The following SORCS1 variants were observed in gnomAD, a reference collection of about 807,000 sequenced individuals.
SORCS1 encodes the protein sortilin related VPS10 domain containing receptor 1.
Under a neutral mutation model 146.1 loss-of-function variants are expected in SORCS1, and 60 were observed. The ratio of observed to expected loss-of-function variants is 0.41; its 90% CI spans 0.33 to 0.51. SORCS1 has a LOEUF of 0.51. Ranked by LOEUF, SORCS1 falls within the 20% of genes least tolerant of loss-of-function variation. SORCS1 has a pLI of 0.21. For synonymous variants in SORCS1, 637 were observed against 584.0 expected, an observed-to-expected ratio of 1.09 and a Z score of -1.31; for missense variants, 1,352 against 1,487.6, an observed-to-expected ratio of 0.91 and a Z score of 1.50.
intron 1 of SORCS1, among the ~76,000 whole-genome samples, chr10:106,999,530 G>T (rs1287200879): frequency 6.6e-6 from 1 of 152,236 alleles, no homozygotes; most frequent in Non-Finnish European, 1.5e-5. Flanking sequence ...TTACACAGAA[G>T]AAACAGGATT....
intron 1 of SORCS1, among the ~76,000 whole-genome samples, chr10:107,097,378 T>G (rs1177457691): frequency 6.6e-6 from 1 of 152,228 alleles, no homozygotes; most frequent in Non-Finnish European, 1.5e-5. Context: ...GCAACAAAAC[T>G]GGCTGGATCA....
At chr10:106,632,292 C>A (rs1393674151) in intron 18 of SORCS1, among the ~76,000 whole-genome samples, 1 of 152,174 alleles carries the variant, frequency 6.6e-6, no homozygotes, top group Non-Finnish European at 1.5e-5. Context: ...GATTATATTC[C>A]TGCTGTCGCT....
chr10:107,006,690 G>A (rs1026239832), intron 1 of SORCS1, among the ~76,000 whole-genome samples: 5 of 152,246 alleles, frequency 3.3e-5, no homozygotes, highest in East Asian at 1.9e-4. Flanking sequence ...GGTGGCGGGC[G>A]CCTGTAGTCC....
At chr10:107,007,736 C>T (rs1445656965) in intron 1 of SORCS1, among the ~76,000 whole-genome samples, 3 of 152,264 alleles carry the variant, frequency 2.0e-5, no homozygotes, top group Non-Finnish European at 4.4e-5. Flanking sequence ...GTCCTTCACA[C>T]ATGAGCCTTC....
intron 5 of SORCS1, among the ~76,000 whole-genome samples, chr10:106,741,654 G>C (rs966071623): frequency 3.3e-5 from 5 of 151,292 alleles, no homozygotes; most frequent in African/African-American, 1.2e-4. Context: ...GAGAGAGAAT[G>C]GAAAATCCTG....
intron 1 of SORCS1, among the ~76,000 whole-genome samples, chr10:107,158,055 C>G (rs985273939): frequency 6.6e-6 from 1 of 152,194 alleles, no homozygotes; most frequent in Non-Finnish European, 1.5e-5. Flanking sequence ...ATCCTCAAGG[C>G]AGCCTGAACA....
chr10:106,826,361 A>G (rs1202029501), intron 3 of SORCS1, among the ~76,000 whole-genome samples: 1 of 152,234 alleles, frequency 6.6e-6, no homozygotes, highest in African/African-American at 2.4e-5. Context: ...GAATTAATAC[A>G]ACTTTTTAAA....
intron 8 of SORCS1, among the ~76,000 whole-genome samples, chr10:106,699,616 G>T (rs1853977587): frequency 1.3e-5 from 2 of 152,034 alleles, no homozygotes; most frequent in African/African-American, 2.4e-5. Flanking sequence ...TAGGATGAAG[G>T]GATGTTTGAT....
At position 107,062,566 on chromosome 10, in the gene SORCS1, A is replaced by G. The variant is rs116937899; in HGVS notation, c.558+101403T>C. 3.8e-3 allele frequency among the ~76,000 whole-genome samples: 578 copies of G among 152,306 alleles called. 22 individuals are homozygous for G. In the East Asian group the frequency reaches 0.085, roughly 22 times the overall value. On this transcript the variant is annotated intron_variant, in intron 1 of 25. Transcript: ENST00000263054. Reference sequence around the variant, plus strand: ...GATCACCCATCTACCATAGCTAACGATAATTAATGCAGCCTAGCTGGGACA... The same window carrying G: ...GATCACCCATCTACCATAGCTAACGGTAATTAATGCAGCCTAGCTGGGACA...
chr10:106,814,531 C>T (rs1236784381), intron 3 of SORCS1, among the ~76,000 whole-genome samples: 2 of 152,188 alleles, frequency 1.3e-5, no homozygotes, highest in Non-Finnish European at 2.9e-5. Context: ...CTCCTACCCA[C>T]CTCATGGTAT....
At chr10:106,794,467 C>T (rs1946449090) in intron 3 of SORCS1, among the ~76,000 whole-genome samples, 1 of 151,898 alleles carries the variant, frequency 6.6e-6, no homozygotes, top group Admixed American at 6.6e-5. Context: ...CCTACAACGT[C>T]CTATGCTCAC....
At chr10:107,079,781 G>C (rs1963184074) in intron 1 of SORCS1, among the ~76,000 whole-genome samples, 1 of 152,188 alleles carries the variant, frequency 6.6e-6, no homozygotes. Flanking sequence ...ACACGCCACA[G>C]AAACATCACC....
chr10:106,795,024 GA>G (rs1946487582), intron 3 of SORCS1, among the ~76,000 whole-genome samples: 1 of 152,176 alleles, frequency 6.6e-6, no homozygotes, highest in South Asian at 2.1e-4. Context: ...GCTATGAAAT[GA>G]GGCTAACAAT....
At chr10:106,659,885 A>C (rs967184344) in intron 17 of SORCS1, among the ~76,000 whole-genome samples, 20 of 152,186 alleles carry the variant, frequency 1.3e-4, no homozygotes, top group African/African-American at 4.3e-4. Context: ...AGGTTTTCTT[A>C]AGAAAGTTTT....
chr10:107,033,663 C>T (rs1202094641), intron 1 of SORCS1, among the ~76,000 whole-genome samples: 2 of 152,218 alleles, frequency 1.3e-5, no homozygotes, highest in South Asian at 2.1e-4. Context: ...CCTTGTTTTA[C>T]AGACTACAGA....
At chr10:106,734,728 T>A (rs960377672) in intron 5 of SORCS1, among the ~76,000 whole-genome samples, 1 of 152,226 alleles carries the variant, frequency 6.6e-6, no homozygotes, top group Non-Finnish European at 1.5e-5. Context: ...TCCTATAATA[T>A]ACATCTTTAA....
intron 2 of SORCS1, among the ~76,000 whole-genome samples, chr10:106,837,770 T>G (rs1948845144): frequency 6.6e-6 from 1 of 151,886 alleles, no homozygotes; most frequent in Non-Finnish European, 1.5e-5. Context: ...CACATTCCAG[T>G]CTTGTCCCTT....
chr10:106,625,938 A>C (rs145334733), intron 19 of SORCS1, among the ~76,000 whole-genome samples: 1 of 152,306 alleles, frequency 6.6e-6, no homozygotes, highest in East Asian at 1.9e-4. Flanking sequence ...ATTAGTTTGC[A>C]AACTAGCAGA....
chr10:106,732,679 G>A (rs1370093059), intron 5 of SORCS1, among the ~76,000 whole-genome samples: 4 of 152,170 alleles, frequency 2.6e-5, no homozygotes, highest in Non-Finnish European at 4.4e-5. Flanking sequence ...TCAACGGGAG[G>A]CAAAATAATT....
Sources: gnomAD v4.1 joint callset for allele counts (sites outside exome capture counted in the v4.1 genomes callset) on GRCh38, gnomAD v4.1.1 for gene constraint, MANE v1.5 for transcripts, NCBI Gene and HGNC (gene_info 2026-07-23, HGNC 2026-07-21) for gene names.